SNTN: variants seen among roughly 807,000 people sequenced by gnomAD.
The protein encoded by SNTN is sentan, cilia apical structure protein, also known as sentan.
A neutral mutation model predicts 12.3 loss-of-function variants in SNTN; 13 were observed. The ratio of observed to expected loss-of-function variants is 1.05; its 90% CI spans 0.69 to 1.67. The LOEUF is 1.67. SNTN is among the 40% of genes most tolerant of loss of function. The probability of loss-of-function intolerance (pLI) is 0.00; values close to 1 mark genes in which losing one functional copy is unlikely to be tolerated. For missense variants in SNTN, 189 were observed against 169.8 expected (o/e 1.11, Z -0.63); for synonymous variants, 69 against 58.5 (o/e 1.18, Z -0.82).
At chr3:63,659,090 C>T (rs2106941676) in intron 2 of SNTN, among the ~76,000 whole-genome samples, 1 of 152,268 alleles carries the variant, frequency 6.6e-6, no homozygotes, top group Non-Finnish European at 1.5e-5. Context: ...TACGAATTTT[C>T]TTCATGGTAA....
chr3:63,658,375 C>T (rs1397931390), intron 2 of SNTN, among the ~76,000 whole-genome samples: 1 of 148,338 alleles, frequency 6.7e-6, no homozygotes, highest in Non-Finnish European at 1.5e-5. Flanking sequence ...TCTGTACCTT[C>T]CTTGCCTCAT....
intron 2 of SNTN, among the ~76,000 whole-genome samples, chr3:63,656,482 A>T (rs1474477234): frequency 6.6e-6 from 1 of 152,200 alleles, no homozygotes; most frequent in Non-Finnish European, 1.5e-5. Flanking sequence ...GAGACTTAGT[A>T]GGAAAAAAAA....
chr3:63,659,935 C>T lies in SNTN; in HGVS notation c.285+71C>T, dbSNP rs1700725997. On this transcript the variant is annotated intron_variant, in intron 3 of 3. Coordinates refer to ENST00000343837, the MANE Select transcript of SNTN (RefSeq NM_001080537.2). ...GGCTGACCCAATGAGCAAATAACTC[C>T]AGCTCCAGGTCCCTGTCATGTTGTC... 1.7e-5 allele frequency: 27 copies of T among 1,558,922 alleles called. 1 individual carries two copies. The Admixed American group carries it at 4.7e-4, about 27-fold the overall frequency.
Position 63,665,010 on chromosome 3 carries a change from C to T in SNTN, c.*915C>T, listed in dbSNP as rs143906150. The stretch of plus-strand genomic sequence containing the variant: ...ACCTCAGGTGATCCGCCCACAGCCT[C>T]CCAAAGTGCTGGGATTACAGGCTTG... On this transcript the variant is annotated 3_prime_UTR_variant, in exon 4 of 4. Coordinates refer to ENST00000343837, the MANE Select transcript of SNTN (RefSeq NM_001080537.2). Among the ~76,000 whole-genome samples, 170 of 152,210 alleles carry T rather than the reference C, an allele frequency of 1.1e-3. 5 individuals carry two copies. In the East Asian group the frequency reaches 0.027, roughly 24 times the overall value.
intron 1 of SNTN, among the ~76,000 whole-genome samples, chr3:63,653,097 A>G (rs1377635685): frequency 2.6e-5 from 4 of 152,218 alleles, no homozygotes; most frequent in African/African-American, 9.7e-5. Context: ...TATGCACAAC[A>G]GAGAGAAATT....
chr3:63,658,175 C>T (rs923309624), intron 2 of SNTN, among the ~76,000 whole-genome samples: 3 of 152,072 alleles, frequency 2.0e-5, no homozygotes, highest in East Asian at 1.9e-4. Context: ...TGAGACTTCA[C>T]GTATCCAGCT....
intron 3 of SNTN, among the ~76,000 whole-genome samples, chr3:63,662,705 A>G (rs1700755041): frequency 6.6e-6 from 1 of 152,206 alleles, no homozygotes; most frequent in African/African-American, 2.4e-5. Flanking sequence ...TGACCTCTTG[A>G]GGAGAAACAG....
At chr3:63,654,619 AAC>A in intron 1 of SNTN, 141 bp from the exon 2 acceptor site, 1 of 683,554 alleles carries the variant, frequency 1.5e-6, no homozygotes. Flanking sequence ...AGGATTTTGA[AAC>A]ACAGATGGCT....
intron 3 of SNTN, 90 bp downstream of exon 3, chr3:63,659,954 T>C (rs1700726208): frequency 1.3e-6 from 2 of 1,490,042 alleles, no homozygotes; most frequent in Non-Finnish European, 1.8e-6. Context: ...GTCCCTGTCA[T>C]GTTGTCTCAC....
downstream of SNTN, among the ~76,000 whole-genome samples, chr3:63,665,212 AT>A (rs1276159355): frequency 2.0e-5 from 3 of 152,264 alleles, no homozygotes; most frequent in Non-Finnish European, 4.4e-5. Flanking sequence ...TAACAAAAAA[AT>A]AAAACCCAGT....
In SNTN at chr3:63,657,677, C is replaced by T. The variant is rs370163482; in HGVS notation, c.146-2048C>T. 3.3e-5 allele frequency among the ~76,000 whole-genome samples: 5 copies of T among 152,130 alleles called. No individual in the cohort carries two copies. In the East Asian group the frequency reaches 9.6e-4, roughly 29 times the overall value. ...GAAGTTGGCTAGACCAGATGGAGTT[C>T]CCATTTCAGAGTGCAGTCAGACCTG... is the stretch of plus-strand genomic sequence containing the variant. On this transcript the variant is annotated intron_variant, in intron 2 of 3. Transcript: ENST00000343837.
intron 2 of SNTN, among the ~76,000 whole-genome samples, chr3:63,658,223 C>G (rs930505903): frequency 1.3e-5 from 2 of 152,102 alleles, no homozygotes; most frequent in African/African-American, 4.8e-5. Context: ...CCTAATCTCA[C>G]CCTGAACCTC....
At position 63,664,409 on chromosome 3, in the gene SNTN, A is replaced by C; in HGVS notation, c.*314A>C. ...CATTGAGTCACTCATTTATTCACTA[A>C]ACATTTGTTGAGCATCTACTTGATG... On this transcript the variant is annotated 3_prime_UTR_variant, in exon 4 of 4. Transcript: ENST00000343837. 5.0e-6 allele frequency: 1 copy of C among 200,016 alleles called. No homozygotes were observed. Among genetic ancestry groups the C allele is most frequent in the Non-Finnish European group, 1.0e-5 (1 of 99,472 alleles). The allele number at this position is 200,016 out of a possible 1,614,324, so 12.4% of individuals were successfully genotyped here.
intron 1 of SNTN, among the ~76,000 whole-genome samples, chr3:63,654,292 G>A (rs926548313): frequency 2.0e-5 from 3 of 152,186 alleles, no homozygotes; most frequent in Admixed American, 6.5e-5. Context: ...TACAGAATGC[G>A]AAGTCCTTTT....
rs79483193 is a variant in SNTN, at chr3:63,657,289, A to T, written c.146-2436A>T. 4.7e-3 allele frequency among the ~76,000 whole-genome samples: 710 copies of T among 152,232 alleles called. 2 individuals are homozygous for T. The highest frequency in any genetic ancestry group is 7.6e-3 in the Non-Finnish European group (517 of 67,996). Reference sequence around the variant, plus strand: ...GGCCTGGCTTAATGTCTTTCCCTGCACCCCCATTCCAGAGGCAAGAGAGCC... The same window carrying T: ...GGCCTGGCTTAATGTCTTTCCCTGCTCCCCCATTCCAGAGGCAAGAGAGCC... On this transcript the variant is annotated intron_variant, in intron 2 of 3. Transcript: ENST00000343837.
intron 2 of SNTN, among the ~76,000 whole-genome samples, chr3:63,658,005 G>A (rs1290753108): frequency 1.3e-5 from 2 of 152,080 alleles, no homozygotes; most frequent in African/African-American, 4.8e-5. Context: ...ATGCTTTGAT[G>A]CCTTCTCTTT....
At chr3:63,661,266 A>C (rs1341768528) in intron 3 of SNTN, among the ~76,000 whole-genome samples, 2 of 152,244 alleles carry the variant, frequency 1.3e-5, no homozygotes, top group African/African-American at 4.8e-5. Flanking sequence ...ATATCAGCTT[A>C]AACTATCAAT....
intron 3 of SNTN, 86 bp from the exon 4 acceptor site, chr3:63,663,851 C>A: frequency 1.3e-6 from 2 of 1,493,760 alleles, no homozygotes; most frequent in Non-Finnish European, 9.2e-7. Flanking sequence ...TACAGCAACA[C>A]TAAACAGACT....
At chr3:63,652,944 A>G in intron 1 of SNTN, 147 bp downstream of exon 1, 1 of 662,096 alleles carries the variant, frequency 1.5e-6, no homozygotes, top group Non-Finnish European at 2.6e-6. Flanking sequence ...ATTGACTTGG[A>G]AAAACAAAGA....
Sources: gnomAD v4.1 joint callset for allele counts (sites outside exome capture counted in the v4.1 genomes callset) on GRCh38, gnomAD v4.1.1 for gene constraint, MANE v1.5 for transcripts, NCBI Gene and HGNC (gene_info 2026-07-23, HGNC 2026-07-21) for gene names.